Variants in MMP17 observed in about 807,000 individuals in gnomAD.
MMP17 encodes the protein matrix metallopeptidase 17, also known as matrix metalloproteinase-17.
In MMP17, 54 loss-of-function variants were observed where a neutral mutation model predicts 49.1. The ratio of observed to expected loss-of-function variants is 1.10; its 90% CI spans 0.88 to 1.38. The LOEUF (loss-of-function observed/expected upper bound fraction) is 1.38. MMP17 is among the 40% of genes most tolerant of loss of function. The probability of loss-of-function intolerance (pLI) is 0.00; values close to 1 mark genes in which losing one functional copy is unlikely to be tolerated. For missense variants in MMP17, 837 were observed against 853.7 expected, an observed-to-expected ratio of 0.98 and a Z score of 0.24; for synonymous variants, 397 against 383.1, an observed-to-expected ratio of 1.04 and a Z score of -0.42.
intron 8 of MMP17, among the ~76,000 whole-genome samples, chr12:131,847,710 GC>G (rs1234642396): frequency 6.6e-6 from 1 of 152,270 alleles, no homozygotes; most frequent in Non-Finnish European, 1.5e-5. Flanking sequence ...GGTGTTCTGA[GC>G]CCCGAGCCGC....
intron 5 of MMP17, among the ~76,000 whole-genome samples, chr12:131,843,509 A>G (rs140305298): frequency 6.6e-6 from 1 of 152,240 alleles, no homozygotes; most frequent in African/African-American, 2.4e-5. Flanking sequence ...GGCCTCTGAA[A>G]GTGCTGGGAA....
At position 131,851,361 on chromosome 12, in the gene MMP17, G is replaced by A. The variant is rs1188894827; in HGVS notation, c.*87G>A. On this transcript the variant is annotated 3_prime_UTR_variant, in exon 10 of 10. Coordinates refer to ENST00000360564, the MANE Select transcript of MMP17 (RefSeq NM_016155.7). Reference sequence around the variant, plus strand: ...GACTGTGCCGGAGTCCCTGGGGGAGGTGCTGGCGCGGGATGAGGACGGGCC... The same window carrying A: ...GACTGTGCCGGAGTCCCTGGGGGAGATGCTGGCGCGGGATGAGGACGGGCC... 4.1e-6 allele frequency: 5 copies of A among 1,213,400 alleles called. No homozygotes were observed. In the East Asian group the frequency reaches 1.6e-4, roughly 38 times the overall value. 75.2% of individuals were successfully genotyped at this position (1,213,400 alleles called of 1,614,324 possible).
Position 131,849,962 on chromosome 12 carries a change from T to C in MMP17, c.1365T>C (p.Asp455=). The C allele has an allele frequency of 1.9e-6, 3 of 1,613,962 alleles. No individual in the cohort carries two copies. Among genetic ancestry groups the C allele is most frequent in the Non-Finnish European group, 2.5e-6 (3 of 1,179,984 alleles). The change falls in exon 9 of 10, where the codon GAT becomes GAC. Residue 455 remains aspartate (D), a synonymous_variant. Coordinates refer to ENST00000360564, the MANE Select transcript of MMP17 (RefSeq NM_016155.7). ...FFKDQLYWRY[D]DHTRHMDPGY... ...AGGACCAGCTGTACTGGCGCTACGA[T>C]GACCACACGAGGCACATGGACCCCG...
At chr12:131,847,443 G>A (rs541978958) in intron 8 of MMP17, among the ~76,000 whole-genome samples, 51 of 150,358 alleles carry the variant, frequency 3.4e-4, no homozygotes, top group African/African-American at 1.2e-3. Context: ...CCCAAAGACA[G>A]TACCTGGACT....
At chr12:131,844,869 G>A in intron 6 of MMP17, 3 of 529,766 alleles carry the variant, frequency 5.7e-6, no homozygotes, top group Non-Finnish European at 1.0e-5. Context: ...CTCCACCCCT[G>A]AGCTCCTGCC....
At chr12:131,830,136 ACACT>A (rs1886716764) in intron 1 of MMP17, among the ~76,000 whole-genome samples, 1 of 152,176 alleles carries the variant, frequency 6.6e-6, no homozygotes, top group African/African-American at 2.4e-5. Flanking sequence ...TGGGGCCCAC[ACACT>A]CAGGAGGATG....
chr12:131,839,317 C>CT (rs112712084), intron 3 of MMP17, among the ~76,000 whole-genome samples: 7,123 of 145,374 alleles, frequency 0.049, 251 homozygotes, highest in African/African-American at 0.095. Context: ...GACCCTATTT[C>CT]TTTTTTTTTT....
At chr12:131,838,360 G>A (rs773548691) in intron 2 of MMP17, 33 bp downstream of exon 2, 1 of 1,607,500 alleles carries the variant, frequency 6.2e-7, no homozygotes, top group Non-Finnish European at 8.5e-7. Flanking sequence ...GGAGCGCCGT[G>A]GCCCCCGTCA....
At position 131,840,678 on chromosome 12, in the gene MMP17, C is replaced by T. The variant is rs145329245; in HGVS notation, c.528C>T (p.His176=). Reference sequence around the variant, plus strand: ...GCGACATTGCGCCCCTGAACTTCCACGAGGTGGCGGGCAGCGCCGCCGACA... The same window carrying T: ...GCGACATTGCGCCCCTGAACTTCCATGAGGTGGCGGGCAGCGCCGCCGACA... ...VWSDIAPLNF[H]EVAGSAADIQ... Residue 176 remains histidine (H), a synonymous_variant, in exon 4 of 10, where the codon CAC becomes CAT. Coordinates refer to ENST00000360564, the MANE Select transcript of MMP17 (RefSeq NM_016155.7). The T allele has an allele frequency of 6.2e-5, 99 of 1,607,968 alleles. No individual in the cohort carries two copies. In the African/African-American group the frequency reaches 8.0e-4, roughly 13 times the overall value.
At chr12:131,844,129 C>T (rs560779589) in intron 6 of MMP17, 48 bp downstream of exon 6, 1 of 1,452,154 alleles carries the variant, frequency 6.9e-7, no homozygotes, top group South Asian at 1.2e-5. Context: ...TGTCTGTCCT[C>T]ATCCCTGTCC....
Position 131,845,304 on chromosome 12 carries a change from C to A in MMP17, c.1059C>A (p.Tyr353Ter), listed in dbSNP as rs1314106394. Residue 353 changes from tyrosine (Y) to a stop codon, truncating the protein, a stop_gained, in exon 8 of 10, where the codon TAC becomes TAA. Transcript: ENST00000360564. LOFTEE classifies it high-confidence loss of function. ...RGEAFFFKGK[Y>*]FWRLTRDRHL... The stretch of plus-strand genomic sequence containing the variant: ...TCCCCTCTGTGCCCCCAGGCAAGTA[C>A]TTCTGGCGGCTGACGCGGGACCGGC... The A allele has an allele frequency of 6.2e-7, 1 of 1,607,996 alleles. No individual in the cohort carries two copies. Among genetic ancestry groups the A allele is most frequent in the African/African-American group, 1.3e-5 (1 of 74,868 alleles).
At chr12:131,841,916 G>A in intron 5 of MMP17, 116 bp downstream of exon 5, 2 of 1,196,798 alleles carry the variant, frequency 1.7e-6, no homozygotes, top group South Asian at 1.5e-5. Context: ...TCCCTCCACG[G>A]ATGGTGCCGT....
rs551152300 is a variant in MMP17, at chr12:131,847,158, A to C, written c.1204+1709A>C. Among the ~76,000 whole-genome samples, 13 of 152,100 alleles carry C rather than the reference A, an allele frequency of 8.5e-5. No individual in the cohort carries two copies. In the South Asian group the frequency reaches 2.7e-3, roughly 32 times the overall value. ...TCACGCGCAGTGGCTCACGCCTGCA[A>C]TCCCAGCATTTTGGGAGGCCGAGGC... On this transcript the variant is annotated intron_variant, in intron 8 of 9. Transcript: ENST00000360564.
intron 5 of MMP17, among the ~76,000 whole-genome samples, chr12:131,843,420 A>AT (rs925355577): frequency 4.6e-5 from 7 of 150,618 alleles, no homozygotes; most frequent in Non-Finnish European, 8.9e-5. Context: ...TAATTTTTAG[A>AT]TTTTTTTGTA....
In MMP17 at chr12:131,851,356, G is replaced by C; in HGVS notation, c.*82G>C. 8.1e-7 allele frequency: 1 copy of C among 1,234,644 alleles called. No individual in the cohort carries two copies. Among genetic ancestry groups the C allele is most frequent in the Non-Finnish European group, 1.0e-6 (1 of 963,886 alleles). 76.5% of individuals were successfully genotyped at this position (1,234,644 alleles called of 1,614,324 possible). On this transcript the variant is annotated 3_prime_UTR_variant, in exon 10 of 10. Transcript: ENST00000360564. Reference sequence around the variant, plus strand: ...GCAAGGACTGTGCCGGAGTCCCTGGGGGAGGTGCTGGCGCGGGATGAGGAC... The same window carrying C: ...GCAAGGACTGTGCCGGAGTCCCTGGCGGAGGTGCTGGCGCGGGATGAGGAC...
At position 131,840,778 on chromosome 12, in the gene MMP17, G is replaced by A. The variant is rs770270565; in HGVS notation, c.628G>A (p.Ala210Thr). 82 of 1,605,266 alleles carry A rather than the reference G, an allele frequency of 5.1e-5. No individual in the cohort carries two copies. Among genetic ancestry groups the A allele is most frequent in the Non-Finnish European group, 6.8e-5 (80 of 1,179,796 alleles). ...FDGPGGTVAH[A>T]FFPGHHHTAG... ...CGGCCCCGGCGGCACCGTGGCCCACGCCTTCTTCCCCGGCCACCACCACAC... is the reference window on the plus strand; with the variant it reads ...CGGCCCCGGCGGCACCGTGGCCCACACCTTCTTCCCCGGCCACCACCACAC... The change falls in exon 4 of 10, where the codon GCC becomes ACC. Residue 210 changes from alanine to threonine, a missense_variant. Ala to Thr is a moderately conservative substitution (Grantham distance 58, BLOSUM62 0). Transcript: ENST00000360564.
chr12:131,841,736 G>A lies in MMP17; in HGVS notation c.819G>A (p.Pro273=), dbSNP rs76305475. 1.7e-3 allele frequency: 2,731 copies of A among 1,613,386 alleles called. 9 individuals carry two copies. Among genetic ancestry groups the A allele is most frequent in the Admixed American group, 3.6e-3 (215 of 59,998 alleles). ...HSIMRPYYQG[P]VGDPLRYGLP... is the part of the protein sequence containing the mutation. The stretch of plus-strand genomic sequence containing the variant: ...TCATGCGGCCGTACTACCAGGGCCC[G>A]GTGGGTGACCCGCTGCGCTACGGGC... The change falls in exon 5 of 10, where the codon CCG becomes CCA. Residue 273 remains proline, a synonymous_variant. Coordinates refer to ENST00000360564, the MANE Select transcript of MMP17 (RefSeq NM_016155.7).
chr12:131,832,675 C>CT (rs998768183), intron 1 of MMP17, among the ~76,000 whole-genome samples: 3 of 152,054 alleles, frequency 2.0e-5, no homozygotes, highest in Non-Finnish European at 4.4e-5. Flanking sequence ...TGGGCACCGT[C>CT]TGAGTGGGAC....
At chr12:131,841,057 C>T (rs1194795112) in intron 4 of MMP17, among the ~76,000 whole-genome samples, 1 of 152,244 alleles carries the variant, frequency 6.6e-6, no homozygotes, top group Non-Finnish European at 1.5e-5. Context: ...GCTGGCCTGT[C>T]GGGCAGGGAC....
Sources: gnomAD v4.1 joint callset for allele counts (sites outside exome capture counted in the v4.1 genomes callset) on GRCh38, gnomAD v4.1.1 for gene constraint, MANE v1.5 for transcripts, NCBI Gene and HGNC (gene_info 2026-07-23, HGNC 2026-07-21) for gene names.